Variants in PRR12 observed in about 807,000 individuals in gnomAD.
PRR12 encodes the protein proline rich 12, also known as proline-rich protein 12.
A neutral mutation model predicts 138.0 loss-of-function variants in PRR12; 12 were observed. The ratio of observed to expected loss-of-function variants is 0.09; its 90% confidence interval spans 0.06 to 0.14. The LOEUF (loss-of-function observed/expected upper bound fraction) is 0.14, where lower values mean the gene tolerates loss of function less well. PRR12 is among the 10% of genes least tolerant of loss of function. The pLI, the probability that PRR12 is intolerant of heterozygous loss-of-function variation, is 1.00. For synonymous variants in PRR12, 1,567 were observed against 1,291.7 expected (o/e 1.21, Z -4.57); for missense variants, 2,692 against 2,861.3 (o/e 0.94, Z 1.35).
rs770014509 is a variant in PRR12, at chr19:49,594,753, A to G, written c.418A>G (p.Ser140Gly). The stretch of plus-strand genomic sequence containing the variant: ...CATCTCGGGTGCCCTGCCGGGTTCC[A>G]GCACCTTTCCGTCCTCATCTGCCCT... ...LFISGALPGS[S>G]TFPSSSALSA... The change falls in exon 4 of 14, where the codon AGC becomes GGC. Residue 140 changes from serine to glycine, a missense_variant. Coordinates refer to ENST00000418929, the MANE Select transcript of PRR12 (RefSeq NM_020719.3). The surrounding 1 kb of genome is among the most constrained non-coding windows in gnomAD (Gnocchi z 5.6). The G allele has an allele frequency of 1.9e-6, 3 of 1,613,386 alleles. No homozygotes were observed. The Admixed American group carries it at 5.0e-5, about 27-fold the overall frequency.
chr19:49,596,973 A>C lies in PRR12; in HGVS notation c.2638A>C (p.Met880Leu). 6.4e-7 allele frequency: 1 copy of C among 1,556,044 alleles called. No individual in the cohort carries two copies. The highest frequency in any genetic ancestry group is 8.7e-7 in the Non-Finnish European group (1 of 1,154,832). Residue 880 changes from methionine (M) to leucine (L), a missense_variant, in exon 4 of 14, where the codon ATG (methionine) becomes CTG (leucine). Transcript: ENST00000418929. This position sits in a 1 kb window ranked among gnomAD's most constrained non-coding sequence, Gnocchi z 5.6. ...GGAGAGCCTGGATCCGCCAGGCGCC[A>C]TGCAGGAATTGCTCGGGGCTCTGGA... is the stretch of plus-strand genomic sequence containing the variant. ...PEESLDPPGA[M>L]QELLGALEPL...
rs1331449554 is a variant in PRR12 at position 49,596,673 on chromosome 19, G to A, written c.2338G>A (p.Gly780Ser). 2 of 1,604,394 alleles carry A rather than the reference G, an allele frequency of 1.2e-6. No individual in the cohort carries two copies. Among genetic ancestry groups the A allele is most frequent in the Admixed American group, 1.7e-5 (1 of 59,516 alleles). Residue 780 changes from glycine to serine, a missense_variant, in exon 4 of 14, where the codon GGC (glycine) becomes AGC (serine). Physicochemically the swap from Gly to Ser is moderately conservative, Grantham distance 56. Coordinates refer to ENST00000418929, the MANE Select transcript of PRR12 (RefSeq NM_020719.3). This position sits in a 1 kb window ranked among gnomAD's most constrained non-coding sequence, Gnocchi z 5.6. ...TAQSTQPTPH[G>S]LLLEAGGPDL... The stretch of plus-strand genomic sequence containing the variant: ...CCAGTCTACCCAGCCCACTCCCCAT[G>A]GCCTCCTTCTGGAGGCCGGGGGCCC...
chr19:49,611,738 G>A (rs1354466717), intron 6 of PRR12, among the ~76,000 whole-genome samples: 34 of 121,350 alleles, frequency 2.8e-4, no homozygotes, highest in South Asian at 8.3e-4. Flanking sequence ...CCTGGCTAAC[G>A]CGGTGAAACC....
intron 6 of PRR12, among the ~76,000 whole-genome samples, chr19:49,613,103 G>A (rs965643781): frequency 9.2e-5 from 14 of 151,806 alleles, no homozygotes; most frequent in African/African-American, 2.2e-4. Flanking sequence ...TTGGGAGGCC[G>A]AGGCAGGTGG....
chr19:49,597,625 A>G lies in PRR12; in HGVS notation c.3290A>G (p.Gln1097Arg), dbSNP rs2080783059. Residue 1097 changes from glutamine to arginine, a missense_variant, in exon 4 of 14, where the codon CAG becomes CGG. This residue lies in a region of PRR12 where 840 missense variants were observed against 689.8 expected (regional missense o/e 1.22). Coordinates refer to ENST00000418929, the MANE Select transcript of PRR12 (RefSeq NM_020719.3). This position sits in a 1 kb window ranked among gnomAD's most constrained non-coding sequence, Gnocchi z 6.3. ...CAGACCCCCAAGAAGCTGTACGCCC[A>G]GGAGTACGAGTTCGAGGCGGACGAG... ...PFQTPKKLYAQEYEFEADEDK... is the reference protein window; with the variant it reads ...PFQTPKKLYAREYEFEADEDK... 1.2e-6 allele frequency: 2 copies of G among 1,610,004 alleles called. No individual in the cohort carries two copies. Among genetic ancestry groups the G allele is most frequent in the Admixed American group, 1.7e-5 (1 of 59,746 alleles).
intron 6 of PRR12, among the ~76,000 whole-genome samples, chr19:49,610,949 A>G (rs113646560): frequency 0.018 from 2,785 of 150,882 alleles, 86 homozygotes; most frequent in African/African-American, 0.063. Flanking sequence ...GGTTCAAGTG[A>G]TTGTCCCCTC....
chr19:49,601,386 A>G, intron 5 of PRR12, 105 bp from the exon 6 acceptor site: 1 of 664,272 alleles, frequency 1.5e-6, no homozygotes, highest in Non-Finnish European at 2.6e-6. Context: ...GCTGAGTGGT[A>G]GTTACAGAGG....
At chr19:49,619,224 GTTTTTTTTTT>G (rs34027784) in intron 9 of PRR12, among the ~76,000 whole-genome samples, 1 of 79,768 alleles carries the variant, frequency 1.3e-5, no homozygotes, top group Admixed American at 1.7e-4. Flanking sequence ...CCTCCTGTGA[GTTTTTTTTTT>G]TTTTTTTTTT....
Position 49,594,150 on chromosome 19 carries a change from CT to C in PRR12, c.200-300del, listed in dbSNP as rs1371187512. On this transcript the variant is annotated intron_variant, in intron 2 of 13. Coordinates refer to ENST00000418929, the MANE Select transcript of PRR12 (RefSeq NM_020719.3). The surrounding 1 kb of genome is among the most constrained non-coding windows in gnomAD (Gnocchi z 5.6). ...TCCCAGCCTTACTGAGGACTCTGTT[CT>C]TTTGCTCCTGGCTCTTTCGCTTCTA... Among the ~76,000 whole-genome samples, 3 of 152,198 alleles carry C rather than the reference CT, an allele frequency of 2.0e-5. No individual in the cohort carries two copies. The highest frequency in any genetic ancestry group is 7.2e-5 in the African/African-American group (3 of 41,430).
chr19:49,603,201 T>A (rs2080821180), intron 6 of PRR12, among the ~76,000 whole-genome samples: 1 of 152,236 alleles, frequency 6.6e-6, no homozygotes, highest in Non-Finnish European at 1.5e-5. Flanking sequence ...TGCAAGGCAC[T>A]TGACAGGGGT....
At position 49,597,274 on chromosome 19, in the gene PRR12, C is replaced by A. The variant is rs375172587; in HGVS notation, c.2939C>A (p.Pro980Gln). 2.0e-5 allele frequency: 32 copies of A among 1,567,094 alleles called. No individual in the cohort carries two copies. The highest frequency in any genetic ancestry group is 2.8e-5 in the Non-Finnish European group (32 of 1,157,578). The change falls in exon 4 of 14, where the codon CCA (proline) becomes CAA (glutamine). Residue 980 changes from proline to glutamine, a missense_variant. This residue lies in a region of PRR12 where 840 missense variants were observed against 689.8 expected (regional missense o/e 1.22). Transcript: ENST00000418929. The surrounding 1 kb of genome is among the most constrained non-coding windows in gnomAD (Gnocchi z 6.3). ...GGGGACCCCAAGGCTGGCGCTGGGC[C>A]ACCCCCCGGCCCCCCTGCTTATGAT... is the stretch of plus-strand genomic sequence containing the variant. ...DEGDPKAGAG[P>Q]PPGPPAYDPY...
chr19:49,592,794 C>T (rs1240482923), intron 1 of PRR12, among the ~76,000 whole-genome samples: 1 of 152,176 alleles, frequency 6.6e-6, no homozygotes, highest in African/African-American at 2.4e-5. Flanking sequence ...CTTATTCCCT[C>T]TTCTCTCCAC....
chr19:49,596,876 C>G lies in PRR12; in HGVS notation c.2541C>G (p.Pro847=), dbSNP rs748714579. Residue 847 remains proline (P), a synonymous_variant, in exon 4 of 14, where the codon CCC becomes CCG. Transcript: ENST00000418929. The surrounding 1 kb of genome is among the most constrained non-coding windows in gnomAD (Gnocchi z 5.6). ...CACCCCCGCCTCCACCACCCATGCC[C>G]CTGCAGCTCGAGGCCCACCTCCGCA... ...PPPPPPPPPM[P]LQLEAHLRSH... is the part of the protein sequence containing the mutation. 4 of 1,565,800 alleles carry G rather than the reference C, an allele frequency of 2.6e-6. No homozygotes were observed. The highest frequency in any genetic ancestry group is 1.2e-5 in the South Asian group (1 of 86,584).
intron 6 of PRR12, among the ~76,000 whole-genome samples, chr19:49,608,261 C>T (rs946779492): frequency 3.3e-5 from 5 of 151,356 alleles, no homozygotes; most frequent in African/African-American, 1.2e-4. Flanking sequence ...AGGCTGAGGC[C>T]GGCAGATCAC....
Position 49,594,744 on chromosome 19 carries a change from C to T in PRR12, c.409C>T (p.Pro137Ser). 1 of 1,613,480 alleles carries T rather than the reference C, an allele frequency of 6.2e-7. No homozygotes were observed. The highest frequency in any genetic ancestry group is 8.5e-7 in the Non-Finnish European group (1 of 1,179,832). Residue 137 changes from proline to serine, a missense_variant, in exon 4 of 14, where the codon CCG (proline) becomes TCG (serine). Around this residue, in one of 11 missense-constraint regions of PRR12, gnomAD observed 211 missense variants for 266.3 expected, o/e 0.79. Coordinates refer to ENST00000418929, the MANE Select transcript of PRR12 (RefSeq NM_020719.3). This position sits in a 1 kb window ranked among gnomAD's most constrained non-coding sequence, Gnocchi z 5.6. ...PTELFISGAL[P>S]GSSTFPSSSA... is the part of the protein sequence containing the mutation. ...GGAGCTCTTCATCTCGGGTGCCCTG[C>T]CGGGTTCCAGCACCTTTCCGTCCTC...
At chr19:49,600,848 C>T (rs2080806455) in intron 5 of PRR12, among the ~76,000 whole-genome samples, 1 of 152,094 alleles carries the variant, frequency 6.6e-6, no homozygotes, top group Non-Finnish European at 1.5e-5. Flanking sequence ...CCTCAGCCTC[C>T]CGAGTAGCTG....
At position 49,625,675 on chromosome 19, in the gene PRR12, A is replaced by G. The variant is rs149552377; in HGVS notation, c.*68A>G. 4.6e-6 allele frequency: 7 copies of G among 1,512,310 alleles called. No individual in the cohort carries two copies. The highest frequency in any genetic ancestry group is 2.3e-5 in the East Asian group (1 of 43,302). The allele number at this position is 1,512,310 out of a possible 1,614,324, so 93.7% of individuals were successfully genotyped here. A position where few individuals can be genotyped will look rare whatever the true frequency, so the allele number is the denominator to read the frequency against. ...AGAATTGGGACAGAACCGTGTCCTC[A>G]GGAGCTAACACCTGGGCTCCATCGC... On this transcript the variant is annotated 3_prime_UTR_variant, in exon 14 of 14. Transcript: ENST00000418929. The surrounding 1 kb of genome is among the most constrained non-coding windows in gnomAD (Gnocchi z 5.5).
At chr19:49,622,908 C>CATATATATATATATATAT in intron 11 of PRR12, among the ~76,000 whole-genome samples, 1 of 97,218 alleles carries the variant, frequency 1.0e-5, no homozygotes, top group African/African-American at 5.6e-5. Context: ...AAAACAAAAA[C>CATATATATATATATATAT]ATATATATAT....
At chr19:49,621,689 C>A in intron 11 of PRR12, 67 bp downstream of exon 11, 1 of 1,315,204 alleles carries the variant, frequency 7.6e-7, no homozygotes, top group South Asian at 1.3e-5. Context: ...ATGTACGTGT[C>A]GGCCGCTGTT....
Sources: gnomAD v4.1 joint callset for allele counts (sites outside exome capture counted in the v4.1 genomes callset) on GRCh38, gnomAD v4.1.1 for gene constraint, gnomAD v4.1.1 regional missense constraint, Gnocchi (gnomAD v3.1) non-coding constraint, MANE v1.5 for transcripts, NCBI Gene and HGNC (gene_info 2026-07-23, HGNC 2026-07-21) for gene names.